The following MBNL2 variants were observed in gnomAD, a reference collection of about 807,000 sequenced individuals.
MBNL2 encodes the protein muscleblind-like protein 2.
Under a neutral mutation model 41.9 loss-of-function variants are expected in MBNL2, and 17 were observed. The ratio of observed to expected loss-of-function variants is 0.41; its 90% CI spans 0.28 to 0.61. The LOEUF is 0.61. Among genes scored for constraint, MBNL2 ranks in the 20% least tolerant of loss-of-function variants. The probability of loss-of-function intolerance (pLI) is 0.35; values close to 1 mark genes in which losing one functional copy is unlikely to be tolerated. For synonymous variants in MBNL2, 195 were observed against 182.9 expected (o/e 1.07, Z -0.53); for missense variants, 336 against 505.6 (o/e 0.66, Z 3.22).
the MBNL2 span, among the ~76,000 whole-genome samples, chr13:97,143,810 G>T: frequency 6.6e-6 from 1 of 152,046 alleles, no homozygotes. Context: ...TTCAATGATG[G>T]CTATGGAGGA....
chr13:97,251,636 A>T lies in MBNL2; in HGVS notation c.-604-23996A>T, dbSNP rs545500456. Reference sequence around the variant, plus strand: ...TATTGTTAGAAGGACTTGTATGTCTATTATCCATGAAAGATTCTTTTTCCC... The same window carrying T: ...TATTGTTAGAAGGACTTGTATGTCTTTTATCCATGAAAGATTCTTTTTCCC... On this transcript the variant is annotated intron_variant, in intron 1 of 8. Coordinates refer to ENST00000679496, the MANE Select transcript of MBNL2 (RefSeq NM_001382683.1). 2.0e-5 allele frequency among the ~76,000 whole-genome samples: 3 copies of T among 152,302 alleles called. No homozygotes were observed. The East Asian group carries it at 5.8e-4, about 29-fold the overall frequency.
rs146550546 is a variant in MBNL2, at chr13:97,281,271, C to G, written c.174+4862C>G. Among the ~76,000 whole-genome samples, 1,039 of 152,236 alleles carry G rather than the reference C, an allele frequency of 6.8e-3. 12 individuals are homozygous for G. The highest frequency in any genetic ancestry group is 0.023 in the African/African-American group (952 of 41,548). On this transcript the variant is annotated intron_variant, in intron 2 of 8. Transcript: ENST00000679496. ...ATCACAGTCCATGTGATTGACACCC[C>G]CTGGAGTTGTGCAGTGGACAACCTG...
chr13:97,294,656 C>A (rs1292332418), intron 2 of MBNL2, among the ~76,000 whole-genome samples: 1 of 152,188 alleles, frequency 6.6e-6, no homozygotes, highest in East Asian at 1.9e-4. Context: ...GCTGTAGCTG[C>A]ATGGCCAAAT....
chr13:97,298,173 A>G (rs2057262335), intron 2 of MBNL2, among the ~76,000 whole-genome samples: 1 of 151,616 alleles, frequency 6.6e-6, no homozygotes, highest in Admixed American at 6.6e-5. Context: ...AACTTGAAGT[A>G]TAATAAAATA....
rs1015067874 is a variant in MBNL2, at chr13:97,334,150, A to ACACC, written c.175-123_175-122insCCAC. 17 of 274,116 alleles carry ACACC rather than the reference A, an allele frequency of 6.2e-5. No individual in the cohort carries two copies. Among genetic ancestry groups the ACACC allele is most frequent in the Non-Finnish European group, 8.3e-5 (14 of 169,680 alleles). The allele number at this position is 274,116 out of a possible 1,614,324, so 17.0% of individuals were successfully genotyped here. ...CACATGAGCATGCGCGCGCACACCC[A>ACACC]CACACACACACACACACACACACAC... On this transcript the variant is annotated intron_variant, in intron 2 of 8. Coordinates refer to ENST00000679496, the MANE Select transcript of MBNL2 (RefSeq NM_001382683.1). The surrounding 1 kb of genome is among the most constrained non-coding windows in gnomAD (Gnocchi z 5.3).
At chr13:97,159,493 G>A in the MBNL2 span, among the ~76,000 whole-genome samples, 60 of 151,980 alleles carry the variant, frequency 3.9e-4, no homozygotes, top group Non-Finnish European at 5.6e-4. Context: ...TCCTAGTCTC[G>A]ATGGTCATTA....
At chr13:97,385,728 A>G in intron 8 of MBNL2, among the ~76,000 whole-genome samples, 1 of 152,324 alleles carries the variant, frequency 6.6e-6, no homozygotes, top group South Asian at 2.1e-4. Context: ...CTGGAGATCA[A>G]CCTCAAGGTA....
chr13:97,192,308 C>T, the MBNL2 span, among the ~76,000 whole-genome samples: 2 of 152,162 alleles, frequency 1.3e-5, no homozygotes, highest in East Asian at 1.9e-4. Context: ...GTGTTATCTT[C>T]GCTATTAGAA....
At chr13:97,184,680 G>A in the MBNL2 span, among the ~76,000 whole-genome samples, 2 of 152,114 alleles carry the variant, frequency 1.3e-5, no homozygotes, top group Non-Finnish European at 2.9e-5. Context: ...ACGGGGTTTT[G>A]CCATCTTGGC....
At chr13:97,217,228 A>G (rs958503044), upstream of MBNL2, among the ~76,000 whole-genome samples, 4 of 151,868 alleles carry the variant, frequency 2.6e-5, no homozygotes, top group Non-Finnish European at 4.4e-5. Context: ...AACTGTCTTT[A>G]TCACCTTATT....
At chr13:97,310,155 G>A (rs1250247757) in intron 2 of MBNL2, among the ~76,000 whole-genome samples, 2 of 152,102 alleles carry the variant, frequency 1.3e-5, no homozygotes, top group Non-Finnish European at 2.9e-5. Context: ...GTTCTGATTG[G>A]GCTTGCAAAG....
chr13:97,353,687 A>G (rs1048415696), intron 5 of MBNL2, among the ~76,000 whole-genome samples: 1 of 152,238 alleles, frequency 6.6e-6, no homozygotes, highest in Non-Finnish European at 1.5e-5. Flanking sequence ...AAACATGAGA[A>G]TAAGACAGAC....
chr13:97,323,828 C>A (rs1454822520), intron 2 of MBNL2, among the ~76,000 whole-genome samples: 1 of 152,060 alleles, frequency 6.6e-6, no homozygotes, highest in East Asian at 1.9e-4. Context: ...TTATGGGGTG[C>A]ATGAGATGTG....
intron 1 of MBNL2, among the ~76,000 whole-genome samples, chr13:97,234,851 C>T (rs1165363082): frequency 2.0e-5 from 3 of 152,346 alleles, no homozygotes; most frequent in South Asian, 4.1e-4. Context: ...CAGTAGCGCT[C>T]AGTCCTCCCG....
intron 1 of MBNL2, among the ~76,000 whole-genome samples, chr13:97,252,527 C>A (rs1052134710): frequency 4.6e-5 from 7 of 152,122 alleles, no homozygotes; most frequent in Admixed American, 3.9e-4. Context: ...CAATTATATT[C>A]AAATATTATT....
intron 2 of MBNL2, among the ~76,000 whole-genome samples, chr13:97,299,181 C>T (rs16951504): frequency 0.077 from 11,639 of 152,122 alleles, 697 homozygotes; most frequent in African/African-American, 0.17. Context: ...GCTACTTTCA[C>T]TTTTCTAGTT....
chr13:97,155,062 G>A, the MBNL2 span, among the ~76,000 whole-genome samples: 2 of 152,076 alleles, frequency 1.3e-5, no homozygotes, highest in Non-Finnish European at 2.9e-5. Flanking sequence ...TGTGAGATGA[G>A]CCCAAACTCC....
intron 2 of MBNL2, among the ~76,000 whole-genome samples, chr13:97,289,230 T>A (rs192090652): frequency 6.6e-6 from 1 of 152,330 alleles, no homozygotes; most frequent in African/African-American, 2.4e-5. Flanking sequence ...AAAAGTAGAA[T>A]AGAATATATA....
At chr13:97,313,988 A>G (rs1383838017) in intron 2 of MBNL2, among the ~76,000 whole-genome samples, 1 of 152,094 alleles carries the variant, frequency 6.6e-6, no homozygotes, top group Non-Finnish European at 1.5e-5. Flanking sequence ...GAACATGGAA[A>G]CCTCTCAGTA....
Sources: allele counts gnomAD v4.1 joint callset (sites outside exome capture counted in the v4.1 genomes callset), GRCh38; gene constraint gnomAD v4.1.1; non-coding constraint Gnocchi (gnomAD v3.1); transcripts MANE v1.5; gene names NCBI Gene and HGNC (gene_info 2026-07-23, HGNC 2026-07-21).